The following ANKFN1 variants were observed in gnomAD, a reference collection of about 807,000 sequenced individuals.
ANKFN1 encodes the protein ankyrin repeat and fibronectin type-III domain-containing protein 1.
Under a neutral mutation model 108.7 loss-of-function variants are expected in ANKFN1, and 74 were observed. The observed-to-expected ratio is 0.68, with a 90% CI of 0.56 to 0.83. The LOEUF is 0.83. Among genes scored for constraint, ANKFN1 ranks in the 40% least tolerant of loss-of-function variants. ANKFN1 has a pLI of 0.00. For missense variants in ANKFN1, 1,505 were observed against 1,382.3 expected, an observed-to-expected ratio of 1.09 and a Z score of -1.41; for synonymous variants, 547 against 516.2, an observed-to-expected ratio of 1.06 and a Z score of -0.81.
chr17:56,134,103 C>T (rs1194834952), intron 4 of ANKFN1, among the ~76,000 whole-genome samples: 1 of 152,020 alleles, frequency 6.6e-6, no homozygotes, highest in Non-Finnish European at 1.5e-5. Flanking sequence ...TTAAGAATGG[C>T]TCACAGAACT....
chr17:56,321,974 C>T (rs1488444195), intron 3 of ANKFN1, among the ~76,000 whole-genome samples: 1 of 152,116 alleles, frequency 6.6e-6, no homozygotes, highest in Non-Finnish European at 1.5e-5. Context: ...GTACCCATGC[C>T]CCCTGGAAAT....
At chr17:56,289,620 G>C (rs1017126513) in intron 3 of ANKFN1, among the ~76,000 whole-genome samples, 1 of 152,204 alleles carries the variant, frequency 6.6e-6, no homozygotes, top group African/African-American at 2.4e-5. Flanking sequence ...CAGGGAGACA[G>C]CTCCGTTTCT....
At chr17:56,291,613 G>A (rs1437332654) in intron 3 of ANKFN1, among the ~76,000 whole-genome samples, 1 of 152,172 alleles carries the variant, frequency 6.6e-6, no homozygotes, top group Admixed American at 6.5e-5. Flanking sequence ...TATAACAGTG[G>A]CCTAGAGTAA....
chr17:56,082,373 G>A (rs962254515), intron 4 of ANKFN1, among the ~76,000 whole-genome samples: 9 of 151,802 alleles, frequency 5.9e-5, no homozygotes, highest in Admixed American at 1.3e-4. Flanking sequence ...GAATCTCCAC[G>A]GGCTCTATTG....
rs1030365265 is a variant in ANKFN1, at chr17:56,093,545, C to G, written c.288+47220C>G. ...ATAAAAACTGCCATTTAGGAATACA[C>G]GAAATGCACACATTTCAAACAACTT... is the stretch of plus-strand genomic sequence containing the variant. On this transcript the variant is annotated intron_variant, in intron 4 of 12. Coordinates refer to the ANKFN1 transcript ENST00000635860. Among the ~76,000 whole-genome samples, 3 of 151,272 alleles carry G rather than the reference C, an allele frequency of 2.0e-5. 1 individual carries two copies. Among genetic ancestry groups the G allele is most frequent in the Admixed American group, 1.3e-4 (2 of 15,184 alleles).
intron 3 of ANKFN1, among the ~76,000 whole-genome samples, chr17:56,242,358 C>A (rs886745186): frequency 5.3e-5 from 8 of 152,006 alleles, no homozygotes; most frequent in African/African-American, 1.9e-4. Flanking sequence ...GTATAATATA[C>A]TTAATCTTTT....
chr17:56,432,857 A>G lies in ANKFN1; in HGVS notation c.911-7470A>G, dbSNP rs78602329. 3.7e-4 allele frequency among the ~76,000 whole-genome samples: 57 copies of G among 152,258 alleles called. No homozygotes were observed. In the East Asian group the frequency reaches 0.01, roughly 27 times the overall value. ...TACCTAAATTATGCCCAAGAAGTCT[A>G]CACCCCTCAGACAGTCATTATACCT... is the stretch of plus-strand genomic sequence containing the variant. On this transcript the variant is annotated intron_variant, in intron 8 of 20. Coordinates refer to ENST00000682825, the MANE Select transcript of ANKFN1 (RefSeq NM_001370326.1).
intron 4 of ANKFN1, among the ~76,000 whole-genome samples, chr17:56,068,250 C>T (rs1905083374): frequency 6.6e-6 from 1 of 152,096 alleles, no homozygotes; most frequent in South Asian, 2.1e-4. Flanking sequence ...AAATAGATGT[C>T]ACACTCCAAT....
At chr17:56,212,353 A>C (rs545996723) in intron 1 of ANKFN1, among the ~76,000 whole-genome samples, 19 of 152,160 alleles carry the variant, frequency 1.2e-4, no homozygotes, top group Admixed American at 1.2e-3. Context: ...ATTGACTTGC[A>C]GATGTGAAAC....
intron 4 of ANKFN1, among the ~76,000 whole-genome samples, chr17:56,076,470 T>C (rs1026521128): frequency 2.0e-5 from 3 of 152,212 alleles, no homozygotes; most frequent in Non-Finnish European, 4.4e-5. Context: ...TTGTCATTAT[T>C]GTTATAATTA....
upstream of ANKFN1, among the ~76,000 whole-genome samples, chr17:56,150,463 G>T (rs570755533): frequency 6.6e-6 from 1 of 152,090 alleles, no homozygotes; most frequent in African/African-American, 2.4e-5. Context: ...AAAGCCCACT[G>T]CCCTCATTTG....
At chr17:56,408,701 G>A (rs937571171) in intron 8 of ANKFN1, among the ~76,000 whole-genome samples, 2 of 152,174 alleles carry the variant, frequency 1.3e-5, no homozygotes, top group African/African-American at 4.8e-5. Flanking sequence ...AGAGAAAGAA[G>A]TTTGGTGTAG....
In ANKFN1 at chr17:56,480,718, G is replaced by C. The variant is rs546820409; in HGVS notation, c.1991G>C (p.Ser664Thr). ...CTTTCTGGCTCTGAATCTATGGAAA[G>C]TGTGGATCATACTTCTGACTGCCCC... ...QKLSGSESME[S>T]VDHTSDCPMQ... Residue 664 changes from serine to threonine, a missense_variant, in exon 17 of 21, where the codon AGT (serine) becomes ACT (threonine). Ser to Thr is a moderately conservative substitution (Grantham distance 58). Coordinates refer to ENST00000682825, the MANE Select transcript of ANKFN1 (RefSeq NM_001370326.1). 1.9e-6 allele frequency: 3 copies of C among 1,613,940 alleles called. No homozygotes were observed. The Admixed American group carries it at 5.0e-5, about 27-fold the overall frequency.
chr17:56,158,715 A>AT (rs753406867), intron 1 of ANKFN1, among the ~76,000 whole-genome samples: 8 of 152,186 alleles, frequency 5.3e-5, no homozygotes, highest in Middle Eastern at 3.2e-3. Context: ...TGATTTTTTT[A>AT]TAAGTGTGGT....
intron 8 of ANKFN1, among the ~76,000 whole-genome samples, chr17:56,398,635 A>G (rs1410981623): frequency 1.3e-5 from 2 of 152,178 alleles, no homozygotes; most frequent in Admixed American, 6.6e-5. Flanking sequence ...GTGGAAATGA[A>G]CAAGCTCTCT....
At chr17:56,166,398 A>G (rs1181716645) in intron 1 of ANKFN1, among the ~76,000 whole-genome samples, 1 of 152,180 alleles carries the variant, frequency 6.6e-6, no homozygotes, top group Admixed American at 6.5e-5. Context: ...CTGAGCGCTA[A>G]TAAGCTTCAA....
At chr17:56,082,095 G>C (rs1209891791) in intron 4 of ANKFN1, among the ~76,000 whole-genome samples, 1 of 152,056 alleles carries the variant, frequency 6.6e-6, no homozygotes, top group East Asian at 1.9e-4. Context: ...TTTCCTGGTG[G>C]GGTTTGGGGG....
chr17:56,120,787 C>T (rs1248852656), intron 4 of ANKFN1, among the ~76,000 whole-genome samples: 3 of 152,102 alleles, frequency 2.0e-5, no homozygotes, highest in African/African-American at 4.8e-5. Context: ...TTATCAGCTC[C>T]ATTTCTTAAG....
At chr17:56,148,468 C>T (rs995271201) in intron 4 of ANKFN1, among the ~76,000 whole-genome samples, 4 of 152,174 alleles carry the variant, frequency 2.6e-5, no homozygotes, top group East Asian at 3.9e-4. Context: ...CACATGTTTC[C>T]GCTCTGCCAT....
Sources: gnomAD v4.1 joint callset for allele counts (sites outside exome capture counted in the v4.1 genomes callset) on GRCh38, gnomAD v4.1.1 for gene constraint, MANE v1.5 for transcripts, NCBI Gene and HGNC (gene_info 2026-07-23, HGNC 2026-07-21) for gene names.